MACROD1: variants seen among roughly 807,000 people sequenced by gnomAD.
MACROD1 encodes mono-ADP ribosylhydrolase 1.
Under a neutral mutation model 41.4 loss-of-function variants are expected in MACROD1, and 31 were observed. That is an observed-to-expected ratio of 0.75 (90% CI 0.56 to 1.01). The LOEUF is 1.01. Ranked by LOEUF, MACROD1 falls within the 50% of genes least tolerant of loss-of-function variation. The pLI, the probability that MACROD1 is intolerant of heterozygous loss-of-function variation, is 0.00. For synonymous variants in MACROD1, 252 were observed against 203.4 expected, an observed-to-expected ratio of 1.24 and a Z score of -2.03; for missense variants, 473 against 460.0, an observed-to-expected ratio of 1.03 and a Z score of -0.26.
chr11:64,156,624 A>G (rs1330559797), intron 1 of MACROD1, among the ~76,000 whole-genome samples: 1 of 152,176 alleles, frequency 6.6e-6, no homozygotes, highest in African/African-American at 2.4e-5. Context: ...CACATAAGCG[A>G]GAGGAACCTG....
intron 3 of MACROD1, among the ~76,000 whole-genome samples, chr11:64,094,933 T>C (rs907222119): frequency 3.3e-5 from 5 of 152,112 alleles, no homozygotes; most frequent in African/African-American, 1.2e-4. Context: ...TAGCCACAGG[T>C]TTCCCAGCCC....
At chr11:64,091,466 TG>T (rs1944489051) in intron 3 of MACROD1, among the ~76,000 whole-genome samples, 1 of 17,470 alleles carries the variant, frequency 5.7e-5, no homozygotes, top group South Asian at 1.7e-3. Context: ...GAGGTGGATG[TG>T]GGGGACGAGC....
Position 64,090,082 on chromosome 11 carries a change from G to C in MACROD1, c.517+61157C>G, listed in dbSNP as rs1460296365. Among the ~76,000 whole-genome samples the C allele has an allele frequency of 1.3e-5, 2 of 152,148 alleles. No individual in the cohort carries two copies. The highest frequency in any genetic ancestry group is 2.9e-5 in the Non-Finnish European group (2 of 68,020). Reference sequence around the variant, plus strand: ...CAACAGCTGTGTCATCCTGAGCCCAGAACCTTCTAGAATGGGGCTGGGGGA... The same window carrying C: ...CAACAGCTGTGTCATCCTGAGCCCACAACCTTCTAGAATGGGGCTGGGGGA... On this transcript the variant is annotated intron_variant, in intron 3 of 10. Coordinates refer to ENST00000255681, the MANE Select transcript of MACROD1 (RefSeq NM_014067.4). This position sits in a 1 kb window ranked among gnomAD's most constrained non-coding sequence, Gnocchi z 4.7.
At chr11:64,164,585 G>A (rs1229231975) in intron 1 of MACROD1, among the ~76,000 whole-genome samples, 1 of 152,234 alleles carries the variant, frequency 6.6e-6, no homozygotes, top group Non-Finnish European at 1.5e-5. Context: ...GGCTAAAGTC[G>A]GTGCTTTCTG....
chr11:64,007,377 C>T (rs1283694103), intron 4 of MACROD1, among the ~76,000 whole-genome samples: 1 of 152,176 alleles, frequency 6.6e-6, no homozygotes, highest in African/African-American at 2.4e-5. Context: ...GAGGTGGCCC[C>T]TCCGAGGAGG....
chr11:64,050,894 C>G (rs574269028), intron 3 of MACROD1, among the ~76,000 whole-genome samples: 13 of 152,232 alleles, frequency 8.5e-5, no homozygotes, highest in Non-Finnish European at 1.2e-4. Context: ...GCTGGGATTA[C>G]AGGCCTGAGC....
intron 3 of MACROD1, among the ~76,000 whole-genome samples, chr11:64,019,065 G>A (rs571953306): frequency 2.6e-5 from 4 of 152,278 alleles, no homozygotes; most frequent in South Asian, 2.1e-4. Context: ...AGCTTGGAGC[G>A]GCACAGTTCG....
At chr11:64,047,600 AAT>A (rs1372837094) in intron 3 of MACROD1, among the ~76,000 whole-genome samples, 7 of 152,058 alleles carry the variant, frequency 4.6e-5, no homozygotes, top group Non-Finnish European at 7.4e-5. Context: ...AACTGAGGTT[AAT>A]AGAGGGAAGG....
rs190270364 is a variant in MACROD1, at chr11:64,016,284, G to T, written c.518-1003C>A. 2.0e-5 allele frequency among the ~76,000 whole-genome samples: 3 copies of T among 152,340 alleles called. No individual in the cohort carries two copies. In the East Asian group the frequency reaches 5.8e-4, roughly 29 times the overall value. ...CCAGCCTGGGCTCCAGCCCCGATCC[G>T]CAGCCTGCGTCCGTGGTAACTGCCA... On this transcript the variant is annotated intron_variant, in intron 3 of 10. Coordinates refer to ENST00000255681, the MANE Select transcript of MACROD1 (RefSeq NM_014067.4).
chr11:64,001,428 G>A (rs1383192817), intron 4 of MACROD1: 1 of 702,438 alleles, frequency 1.4e-6, no homozygotes, highest in South Asian at 1.5e-5. Context: ...CGGGCATCAA[G>A]AGAGGACCAT....
intron 3 of MACROD1, among the ~76,000 whole-genome samples, chr11:64,115,381 C>T (rs1590929856): frequency 6.9e-6 from 1 of 145,982 alleles, no homozygotes; most frequent in East Asian, 2.0e-4. Context: ...AAACAGACCA[C>T]TTTTTTTTTT....
rs760572953 is a variant in MACROD1 at position 64,165,791 on chromosome 11, C to A, written c.204G>T (p.Ala68=). ...TGCGCACCCCGGCTGTCCGCCCCACCGCCGCCGCCCCCCACGCCCCAACTC... is the reference window on the plus strand; with the variant it reads ...TGCGCACCCCGGCTGTCCGCCCCACAGCCGCCGCCCCCCACGCCCCAACTC... ...SAGVGAWGAA[A]VGRTAGVRTW... The change falls in exon 1 of 11, where the codon GCG becomes GCT. Residue 68 remains alanine (A), a synonymous_variant. Transcript: ENST00000255681. The A allele has an allele frequency of 2.7e-6, 4 of 1,482,726 alleles. No homozygotes were observed. Among genetic ancestry groups the A allele is most frequent in the Middle Eastern group, 1.9e-4 (1 of 5,242 alleles). 91.8% of individuals were successfully genotyped at this position (1,482,726 alleles called of 1,614,324 possible). A position where few individuals can be genotyped will look rare whatever the true frequency, so the allele number is the denominator to read the frequency against.
chr11:64,016,806 C>T (rs1163573106), intron 3 of MACROD1, among the ~76,000 whole-genome samples: 1 of 152,044 alleles, frequency 6.6e-6, no homozygotes, highest in Non-Finnish European at 1.5e-5. Flanking sequence ...GTGGTGCCAG[C>T]GAGGCAGTGG....
At chr11:64,038,097 C>G (rs1242512317) in intron 3 of MACROD1, among the ~76,000 whole-genome samples, 1 of 152,162 alleles carries the variant, frequency 6.6e-6, no homozygotes. Context: ...GCCCTGTGTC[C>G]CCTCCTCCCC....
intron 3 of MACROD1, among the ~76,000 whole-genome samples, chr11:64,041,548 C>T (rs564583393): frequency 2.8e-4 from 42 of 151,832 alleles, no homozygotes; most frequent in Admixed American, 3.9e-4. Flanking sequence ...TGAGTGGTCG[C>T]AGAGGTGGGG....
intron 3 of MACROD1, chr11:64,103,542 A>G (rs1590912564): frequency 6.7e-6 from 1 of 148,688 alleles, no homozygotes; most frequent in Non-Finnish European, 1.5e-5. Context: ...ATGCAAGAAC[A>G]CTCTCTGCAC....
chr11:64,117,282 C>T lies in MACROD1; in HGVS notation c.517+33957G>A, dbSNP rs1400167263. ...GTTTTGTGGCTGCAACCTCATGTGG[C>T]TGCGGGACTGGGTGAAGGCACGGGC... On this transcript the variant is annotated intron_variant, in intron 3 of 10. Coordinates refer to ENST00000255681, the MANE Select transcript of MACROD1 (RefSeq NM_014067.4). The T allele has an allele frequency of 1.9e-6, 3 of 1,614,060 alleles. No individual in the cohort carries two copies. The African/African-American group carries it at 4.0e-5, about 22-fold the overall frequency.
At chr11:64,101,467 G>A (rs1944669319) in intron 3 of MACROD1, among the ~76,000 whole-genome samples, 1 of 152,020 alleles carries the variant, frequency 6.6e-6, no homozygotes, top group Non-Finnish European at 1.5e-5. Context: ...CAGCTGACTG[G>A]AGCCTCTGGG....
intron 3 of MACROD1, among the ~76,000 whole-genome samples, chr11:64,088,010 G>T (rs1164470403): frequency 6.6e-6 from 1 of 152,184 alleles, no homozygotes; most frequent in South Asian, 2.1e-4. Flanking sequence ...CTGTGGTGTG[G>T]AAACACCCCG....
Sources: allele counts gnomAD v4.1 joint callset (sites outside exome capture counted in the v4.1 genomes callset), GRCh38; gene constraint gnomAD v4.1.1; non-coding constraint Gnocchi (gnomAD v3.1); transcripts MANE v1.5; gene names NCBI Gene and HGNC (gene_info 2026-07-23, HGNC 2026-07-21).